CCSER1: variants seen among roughly 807,000 people sequenced by gnomAD.
CCSER1 encodes the protein serine-rich coiled-coil domain-containing protein 1.
A neutral mutation model predicts 82.0 loss-of-function variants in CCSER1; 41 were observed. That is an observed-to-expected ratio of 0.50 (90% CI 0.39 to 0.65). The LOEUF (loss-of-function observed/expected upper bound fraction) is 0.65, where lower values mean the gene tolerates loss of function less well. Ranked by LOEUF, CCSER1 falls within the 30% of genes least tolerant of loss-of-function variation. The pLI, the probability that CCSER1 is intolerant of heterozygous loss-of-function variation, is 0.00. For missense variants in CCSER1, 1,119 were observed against 1,064.2 expected (o/e 1.05, Z -0.72); for synonymous variants, 414 against 383.9 (o/e 1.08, Z -0.92).
chr4:90,538,228 A>G (rs77223569), intron 5 of CCSER1, among the ~76,000 whole-genome samples: 2,687 of 152,172 alleles, frequency 0.018, 81 homozygotes, highest in African/African-American at 0.061. Flanking sequence ...AGCAGGAGAC[A>G]TGATGCTCTG....
chr4:91,412,463 A>G (rs1753111230), intron 10 of CCSER1, among the ~76,000 whole-genome samples: 1 of 151,966 alleles, frequency 6.6e-6, no homozygotes, highest in African/African-American at 2.4e-5. Flanking sequence ...CATCTGTGAA[A>G]TTGGTAACAA....
intron 10 of CCSER1, among the ~76,000 whole-genome samples, chr4:91,510,575 TGAC>T (rs1759761096): frequency 6.6e-6 from 1 of 152,196 alleles, no homozygotes; most frequent in African/African-American, 2.4e-5. Context: ...CATTCTCTGA[TGAC>T]GAGTGATGTT....
intron 10 of CCSER1, among the ~76,000 whole-genome samples, chr4:91,562,532 T>A (rs1762701594): frequency 6.6e-6 from 1 of 151,490 alleles, no homozygotes; most frequent in African/African-American, 2.4e-5. Flanking sequence ...CAAATTTAAA[T>A]TTTAAATAGA....
chr4:91,289,345 A>G (rs1051520837), intron 10 of CCSER1, among the ~76,000 whole-genome samples: 3 of 152,104 alleles, frequency 2.0e-5, no homozygotes, highest in African/African-American at 7.2e-5. Flanking sequence ...GAGAAAGCAA[A>G]GCACTGCCTA....
Position 91,538,698 on chromosome 4 carries a change from C to CATATATTATATATATATATATTATAT in CCSER1, c.2218-59868_2218-59867insTATATATATATATATTATATATATAT. 6.2e-3 allele frequency among the ~76,000 whole-genome samples: 857 copies of CATATATTATATATATATATATTATAT among 138,302 alleles called. 10 individuals are homozygous for CATATATTATATATATATATATTATAT. The highest frequency in any genetic ancestry group is 0.012 in the East Asian group (57 of 4,814). The allele number at this position is 138,302 out of a possible 152,430, so 90.7% of individuals were successfully genotyped here. ...ATATATGATATATATTATATATACA[C>CATATATTATATATATATATATTATAT]ATATATATATATAATATCTCAGTGC... On this transcript the variant is annotated intron_variant, in intron 10 of 10. Coordinates refer to ENST00000509176, the MANE Select transcript of CCSER1 (RefSeq NM_001145065.2).
intron 10 of CCSER1, among the ~76,000 whole-genome samples, chr4:91,483,239 C>T (rs1346368261): frequency 6.6e-6 from 1 of 151,914 alleles, no homozygotes; most frequent in Non-Finnish European, 1.5e-5. Context: ...GCTGATGGTA[C>T]ATACAGAAGC....
At chr4:90,597,009 T>TTA (rs1783418970) in intron 5 of CCSER1, among the ~76,000 whole-genome samples, 5 of 151,960 alleles carry the variant, frequency 3.3e-5, no homozygotes, top group Admixed American at 3.3e-4. Context: ...TTTTTAAAAA[T>TTA]TATTCTCAGT....
At chr4:90,142,760 ATTTCT>A (rs1233410425) in intron 1 of CCSER1, among the ~76,000 whole-genome samples, 2 of 150,766 alleles carry the variant, frequency 1.3e-5, no homozygotes, top group Non-Finnish European at 2.9e-5. Flanking sequence ...TCTCTGTATT[ATTTCT>A]TTTCTTTACT....
chr4:91,156,517 A>T (rs886569971), intron 10 of CCSER1, among the ~76,000 whole-genome samples: 10 of 151,578 alleles, frequency 6.6e-5, no homozygotes, highest in African/African-American at 1.9e-4. Flanking sequence ...CATCAAAAGA[A>T]TTAAATTATT....
At chr4:91,013,000 T>C (rs1303197983) in intron 9 of CCSER1, among the ~76,000 whole-genome samples, 1 of 134,658 alleles carries the variant, frequency 7.4e-6, no homozygotes, top group Non-Finnish European at 1.7e-5. Flanking sequence ...TATTTTATTT[T>C]ATACATGGCT....
chr4:91,556,542 AAAAC>A (rs1762413963), intron 10 of CCSER1, among the ~76,000 whole-genome samples: 1 of 151,198 alleles, frequency 6.6e-6, no homozygotes, highest in East Asian at 1.9e-4. Context: ...ATAATTAAAA[AAAAC>A]CTTTGAATGA....
At chr4:90,759,705 C>T (rs560757790) in intron 7 of CCSER1, among the ~76,000 whole-genome samples, 1 of 152,074 alleles carries the variant, frequency 6.6e-6, no homozygotes, top group South Asian at 2.1e-4. Context: ...ATTGTTTGTC[C>T]CTTGTAGTAT....
At chr4:90,391,825 T>A (rs913330026) in intron 3 of CCSER1, among the ~76,000 whole-genome samples, 1 of 151,912 alleles carries the variant, frequency 6.6e-6, no homozygotes. Context: ...CCAGATTTTT[T>A]TTATATGTGA....
chr4:90,523,889 A>T lies in CCSER1; in HGVS notation c.1724+55535A>T, dbSNP rs147982644. ...TATAACCATGAAATTAATTCTGTATATAGTATTAAGCTAAAGATGTCACTA... is the reference window on the plus strand; with the variant it reads ...TATAACCATGAAATTAATTCTGTATTTAGTATTAAGCTAAAGATGTCACTA... On this transcript the variant is annotated intron_variant, in intron 5 of 10. Coordinates refer to ENST00000509176, the MANE Select transcript of CCSER1 (RefSeq NM_001145065.2). 4.8e-4 allele frequency among the ~76,000 whole-genome samples: 73 copies of T among 152,320 alleles called. 2 individuals are homozygous for T. In the East Asian group the frequency reaches 0.014, roughly 28 times the overall value.
chr4:91,360,865 A>T (rs1214486804), intron 10 of CCSER1, among the ~76,000 whole-genome samples: 1 of 151,966 alleles, frequency 6.6e-6, no homozygotes, highest in Non-Finnish European at 1.5e-5. Context: ...TGTAGTTAAG[A>T]ATGCAAATCA....
chr4:91,415,309 C>T (rs554814209), intron 10 of CCSER1, among the ~76,000 whole-genome samples: 31 of 152,188 alleles, frequency 2.0e-4, no homozygotes, highest in African/African-American at 7.5e-4. Context: ...AGCTTTTGGG[C>T]TGAGTTGATG....
At chr4:91,151,022 T>C (rs1316336532) in intron 10 of CCSER1, among the ~76,000 whole-genome samples, 1 of 152,214 alleles carries the variant, frequency 6.6e-6, no homozygotes, top group Non-Finnish European at 1.5e-5. Context: ...TTTTTATTGA[T>C]TGAATAGTTT....
At chr4:90,618,416 C>T (rs1579509173) in intron 5 of CCSER1, among the ~76,000 whole-genome samples, 1 of 151,846 alleles carries the variant, frequency 6.6e-6, no homozygotes, top group East Asian at 1.9e-4. Flanking sequence ...AGCAAATATA[C>T]ATACAGTAAT....
At chr4:91,268,965 C>G (rs1055019549) in intron 10 of CCSER1, among the ~76,000 whole-genome samples, 1 of 152,170 alleles carries the variant, frequency 6.6e-6, no homozygotes, top group Non-Finnish European at 1.5e-5. Context: ...ACAAATTATT[C>G]TTGAAATGAG....
Sources: allele counts gnomAD v4.1 joint callset (sites outside exome capture counted in the v4.1 genomes callset), GRCh38; gene constraint gnomAD v4.1.1; transcripts MANE v1.5; gene names NCBI Gene and HGNC (gene_info 2026-07-23, HGNC 2026-07-21).